The following IRF2 variants were observed in gnomAD, a reference collection of about 807,000 sequenced individuals.
The protein encoded by IRF2 is interferon regulatory factor 2.
IRF2 carries 15 observed loss-of-function variants against 40.6 expected under a neutral mutation model. The ratio of observed to expected loss-of-function variants is 0.37; its 90% CI spans 0.25 to 0.57. The LOEUF (loss-of-function observed/expected upper bound fraction) is 0.57, where lower values mean the gene tolerates loss of function less well. IRF2 is among the 20% of genes least tolerant of loss of function. The probability of loss-of-function intolerance (pLI) is 0.77; values close to 1 mark genes in which losing one functional copy is unlikely to be tolerated. For synonymous variants in IRF2, 151 were observed against 165.5 expected (o/e 0.91, Z 0.67); for missense variants, 317 against 455.7 (o/e 0.70, Z 2.77).
intron 1 of IRF2, among the ~76,000 whole-genome samples, chr4:184,437,143 C>T (rs1157992449): frequency 6.6e-6 from 1 of 152,204 alleles, no homozygotes; most frequent in Non-Finnish European, 1.5e-5. Context: ...GCAACCTCTG[C>T]CTCCCGGGTT....
At chr4:184,472,964 C>T (rs1014184972) in intron 1 of IRF2, among the ~76,000 whole-genome samples, 5 of 152,190 alleles carry the variant, frequency 3.3e-5, no homozygotes, top group Non-Finnish European at 7.3e-5. Context: ...AGGGGAGACG[C>T]CGGCGCGTGC....
chr4:184,394,197 C>T (rs898455328), intron 7 of IRF2, among the ~76,000 whole-genome samples: 1 of 152,084 alleles, frequency 6.6e-6, no homozygotes, highest in African/African-American at 2.4e-5. Context: ...TCTCAGTTTT[C>T]CTGAAAGCAT....
At chr4:184,439,435 A>C (rs1396422812) in intron 1 of IRF2, among the ~76,000 whole-genome samples, 1 of 151,808 alleles carries the variant, frequency 6.6e-6, no homozygotes. Flanking sequence ...TTTGATAAGC[A>C]ATTAAGTATG....
At chr4:184,436,255 G>GT (rs1738073644) in intron 1 of IRF2, among the ~76,000 whole-genome samples, 1 of 152,134 alleles carries the variant, frequency 6.6e-6, no homozygotes, top group Admixed American at 6.5e-5. Flanking sequence ...GATTACAGGC[G>GT]TGAGCCACTG....
At chr4:184,439,313 TAAAAAAAAA>T (rs35943221) in intron 1 of IRF2, among the ~76,000 whole-genome samples, 1 of 96,186 alleles carries the variant, frequency 1.0e-5, no homozygotes, top group Non-Finnish European at 2.2e-5. Flanking sequence ...CTTAAAACTT[TAAAAAAAAA>T]AAAAAAAAAG....
chr4:184,399,028 G>A lies in IRF2; in HGVS notation c.581C>T (p.Thr194Ile), dbSNP rs2149893187. The A allele has an allele frequency of 1.2e-6, 2 of 1,613,004 alleles. No individual in the cohort carries two copies. Among genetic ancestry groups the A allele is most frequent in the Admixed American group, 3.3e-5 (2 of 59,770 alleles). The part of the protein sequence containing the change: ...DSNIENQEIV[T>I]NPPDICQVVE... ...AACTTGGCAAATGTCTGGCGGATTG[G>A]TGACAATCTCTTGATTCTCAATGTT... is the stretch of plus-strand genomic sequence containing the variant. Residue 194 changes from threonine (T) to isoleucine (I), a missense_variant, in exon 7 of 9, where the codon ACC becomes ATC. Around this residue, in one of 2 missense-constraint regions of IRF2, gnomAD observed 262 missense variants for 334.0 expected, o/e 0.78. Coordinates refer to ENST00000393593, the MANE Select transcript of IRF2 (RefSeq NM_002199.4).
intron 2 of IRF2, among the ~76,000 whole-genome samples, chr4:184,419,873 A>G (rs1737421461): frequency 6.6e-6 from 1 of 152,022 alleles, no homozygotes; most frequent in Non-Finnish European, 1.5e-5. Flanking sequence ...CTAGTTTTCA[A>G]TATATTTTTT....
chr4:184,452,134 G>A (rs941940137), intron 1 of IRF2, among the ~76,000 whole-genome samples: 8 of 152,148 alleles, frequency 5.3e-5, no homozygotes, highest in African/African-American at 1.9e-4. Flanking sequence ...TAGGGACCCA[G>A]GCCAGGCCCA....
intron 6 of IRF2, among the ~76,000 whole-genome samples, chr4:184,406,726 C>G (rs577981944): frequency 6.6e-6 from 1 of 152,144 alleles, no homozygotes; most frequent in Non-Finnish European, 1.5e-5. Flanking sequence ...GGGTGGCCCT[C>G]GTGGGGACCC....
intron 1 of IRF2, among the ~76,000 whole-genome samples, chr4:184,433,475 T>C (rs1369477598): frequency 6.6e-6 from 1 of 152,210 alleles, no homozygotes; most frequent in Non-Finnish European, 1.5e-5. Context: ...GCAACATGCC[T>C]GTCTAGTAAG....
chr4:184,392,792 G>C (rs1736304461), intron 7 of IRF2, among the ~76,000 whole-genome samples: 1 of 152,194 alleles, frequency 6.6e-6, no homozygotes, highest in African/African-American at 2.4e-5. Context: ...CTCTGGGCCT[G>C]TTTCTCAGCC....
intron 6 of IRF2, chr4:184,407,189 G>A: frequency 3.1e-6 from 4 of 1,289,406 alleles, no homozygotes; most frequent in Non-Finnish European, 4.0e-6. Flanking sequence ...CTCGGCAAGA[G>A]GCCAGCGGAG....
intron 6 of IRF2, among the ~76,000 whole-genome samples, chr4:184,407,766 T>G (rs959238669): frequency 6.6e-6 from 1 of 152,204 alleles, no homozygotes; most frequent in African/African-American, 2.4e-5. Context: ...GTGCCTCAGT[T>G]TCTCTGTCTG....
intron 1 of IRF2, among the ~76,000 whole-genome samples, chr4:184,429,508 C>T (rs1737796491): frequency 6.6e-6 from 1 of 152,176 alleles, no homozygotes. Context: ...CAAGCCATTC[C>T]TTTTGAGAAT....
At chr4:184,419,902 C>G (rs1204094717) in intron 2 of IRF2, among the ~76,000 whole-genome samples, 6 of 152,212 alleles carry the variant, frequency 3.9e-5, no homozygotes, top group Admixed American at 3.9e-4. Flanking sequence ...GAGTCTCGCT[C>G]TGTTGCCCAG....
chr4:184,402,263 G>C (rs1287815040), intron 6 of IRF2, among the ~76,000 whole-genome samples: 2 of 152,148 alleles, frequency 1.3e-5, no homozygotes, highest in African/African-American at 2.4e-5. Flanking sequence ...GGAATCAAAG[G>C]CTTCAATGAG....
chr4:184,443,785 AG>A, intron 1 of IRF2, among the ~76,000 whole-genome samples: 1 of 152,208 alleles, frequency 6.6e-6, no homozygotes, highest in East Asian at 1.9e-4. Flanking sequence ...TGAGAAATCC[AG>A]GAGACAGTTT....
At chr4:184,457,860 G>C (rs200294688) in intron 1 of IRF2, among the ~76,000 whole-genome samples, 1 of 147,100 alleles carries the variant, frequency 6.8e-6, no homozygotes, top group Non-Finnish European at 1.5e-5. Flanking sequence ...AAAAAAAAAA[G>C]AAAAAAGCTG....
chr4:184,460,706 C>T (rs1450641480), intron 1 of IRF2, among the ~76,000 whole-genome samples: 1 of 151,266 alleles, frequency 6.6e-6, no homozygotes, highest in Non-Finnish European at 1.5e-5. Flanking sequence ...CATGCACACG[C>T]ACACACACAC....
Sources: gnomAD v4.1 joint callset for allele counts (sites outside exome capture counted in the v4.1 genomes callset) on GRCh38, gnomAD v4.1.1 for gene constraint, gnomAD v4.1.1 regional missense constraint, MANE v1.5 for transcripts, NCBI Gene and HGNC (gene_info 2026-07-23, HGNC 2026-07-21) for gene names.